The following CADPS2 variants were observed in gnomAD, a reference collection of about 807,000 sequenced individuals.
CADPS2 encodes calcium dependent secretion activator 2, also known as calcium-dependent secretion activator 2.
A neutral mutation model predicts 172.5 loss-of-function variants in CADPS2; 93 were observed. The observed-to-expected ratio is 0.54, with a 90% CI of 0.46 to 0.64. The LOEUF (loss-of-function observed/expected upper bound fraction) is 0.64. CADPS2 is among the 30% of genes least tolerant of loss of function. The pLI is 0.00. For synonymous variants in CADPS2, 546 were observed against 555.2 expected (o/e 0.98, Z 0.23); for missense variants, 1,420 against 1,565.9 (o/e 0.91, Z 1.57).
chr7:122,632,517 T>C (rs938659661), intron 3 of CADPS2, among the ~76,000 whole-genome samples: 1 of 152,202 alleles, frequency 6.6e-6, no homozygotes, highest in African/African-American at 2.4e-5. Flanking sequence ...TTGAGAAGTG[T>C]CTGATCATGT....
intron 2 of CADPS2, among the ~76,000 whole-genome samples, chr7:122,726,389 G>A (rs1237346161): frequency 6.6e-6 from 1 of 151,968 alleles, no homozygotes; most frequent in Non-Finnish European, 1.5e-5. Flanking sequence ...AATGTTCCAT[G>A]CTTTCCAAAA....
At chr7:122,707,340 T>C (rs1445316799) in intron 2 of CADPS2, among the ~76,000 whole-genome samples, 1 of 151,934 alleles carries the variant, frequency 6.6e-6, no homozygotes, top group Non-Finnish European at 1.5e-5. Flanking sequence ...AATTAAATTT[T>C]TTAGAAGGTT....
chr7:122,686,424 C>T (rs762352758), intron 2 of CADPS2, among the ~76,000 whole-genome samples: 15 of 152,168 alleles, frequency 9.9e-5, no homozygotes, highest in Non-Finnish European at 2.9e-5. Flanking sequence ...AGCTGTGATG[C>T]ATCATTGCTG....
Position 122,724,172 on chromosome 7 carries a change from TATA to T in CADPS2, c.453+12780_453+12782del, listed in dbSNP as rs751457550. Among the ~76,000 whole-genome samples, 4 of 151,954 alleles carry T rather than the reference TATA, an allele frequency of 2.6e-5. 1 individual carries two copies. Among genetic ancestry groups the T allele is most frequent in the East Asian group, 3.9e-4 (2 of 5,152 alleles). On this transcript the variant is annotated intron_variant, in intron 2 of 29. Transcript: ENST00000449022. ...TGCACATATACCCTATAACTTAAAG[TATA>T]ATAATAATTGAAAAATTAAAAAATA...
chr7:122,407,426 T>C, intron 20 of CADPS2, 114 bp downstream of exon 20: 2 of 1,137,822 alleles, frequency 1.8e-6, no homozygotes, highest in East Asian at 5.1e-5. Context: ...AACCTAAATG[T>C]TACCCATGCG....
At chr7:122,884,224 T>G (rs924053476) in intron 1 of CADPS2, among the ~76,000 whole-genome samples, 1 of 152,338 alleles carries the variant, frequency 6.6e-6, no homozygotes, top group East Asian at 1.9e-4. Flanking sequence ...AGAGACTGGA[T>G]GATATGAACT....
chr7:122,777,708 C>T (rs2093928277), intron 1 of CADPS2, among the ~76,000 whole-genome samples: 2 of 152,080 alleles, frequency 1.3e-5, no homozygotes, highest in South Asian at 4.1e-4. Flanking sequence ...TCCCTCTGCA[C>T]TTCTCCTTGC....
At chr7:122,710,837 A>G (rs1227511352) in intron 2 of CADPS2, among the ~76,000 whole-genome samples, 1 of 152,052 alleles carries the variant, frequency 6.6e-6, no homozygotes, top group Non-Finnish European at 1.5e-5. Flanking sequence ...GTCTGTCTAT[A>G]CTTTCACTTG....
At chr7:122,408,326 G>A (rs1265075518) in intron 19 of CADPS2, among the ~76,000 whole-genome samples, 1 of 151,926 alleles carries the variant, frequency 6.6e-6, no homozygotes, top group African/African-American at 2.4e-5. Context: ...AATAATTACT[G>A]GATTAATGGG....
chr7:122,690,382 G>C (rs1320912359), intron 2 of CADPS2, among the ~76,000 whole-genome samples: 1 of 152,172 alleles, frequency 6.6e-6, no homozygotes, highest in Non-Finnish European at 1.5e-5. Flanking sequence ...TGTTCCCGGA[G>C]GAGGGTTCCT....
At chr7:122,495,282 A>T (rs1478479943) in intron 9 of CADPS2, among the ~76,000 whole-genome samples, 1 of 152,178 alleles carries the variant, frequency 6.6e-6, no homozygotes, top group Non-Finnish European at 1.5e-5. Context: ...ATGCCTATAC[A>T]TACTCACCCA....
chr7:122,706,965 G>A (rs572709629), intron 2 of CADPS2, among the ~76,000 whole-genome samples: 1 of 151,314 alleles, frequency 6.6e-6, no homozygotes, highest in African/African-American at 2.4e-5. Context: ...ATTATCTTAG[G>A]TTAATCATGA....
intron 8 of CADPS2, among the ~76,000 whole-genome samples, chr7:122,543,892 T>C (rs190715031): frequency 1.3e-5 from 2 of 151,650 alleles, no homozygotes; most frequent in African/African-American, 4.8e-5. Context: ...AACAAAAACA[T>C]GTGAAAAGTA....
chr7:122,391,021 T>C (rs1006068057), intron 22 of CADPS2, among the ~76,000 whole-genome samples: 5 of 152,058 alleles, frequency 3.3e-5, no homozygotes, highest in African/African-American at 4.8e-5. Context: ...CAGGGATGTA[T>C]CTTCAAAACC....
At chr7:122,582,716 A>G (rs2069012145) in intron 6 of CADPS2, among the ~76,000 whole-genome samples, 1 of 152,072 alleles carries the variant, frequency 6.6e-6, no homozygotes, top group East Asian at 1.9e-4. Flanking sequence ...AATTCTCATG[A>G]CATACCCTTT....
intron 7 of CADPS2, among the ~76,000 whole-genome samples, chr7:122,567,738 A>C (rs2066652495): frequency 6.6e-6 from 1 of 152,152 alleles, no homozygotes; most frequent in Non-Finnish European, 1.5e-5. Context: ...ATATACATTA[A>C]ATGTTATAAT....
chr7:122,708,520 GATATATATATATATATATATAT>G (rs57522086), intron 2 of CADPS2, among the ~76,000 whole-genome samples: 1,492 of 116,404 alleles, frequency 0.013, 25 homozygotes, highest in East Asian at 0.027. Context: ...TTGTATTCGA[GATATATATATATATATATATAT>G]ATATATATAT....
At chr7:122,715,284 G>A (rs2089428608) in intron 2 of CADPS2, among the ~76,000 whole-genome samples, 2 of 152,102 alleles carry the variant, frequency 1.3e-5, no homozygotes, top group Admixed American at 1.3e-4. Context: ...TATAAGCACT[G>A]TAATGCCTTT....
intron 2 of CADPS2, among the ~76,000 whole-genome samples, chr7:122,714,005 C>A (rs2089210085): frequency 6.6e-6 from 1 of 152,080 alleles, no homozygotes; most frequent in Non-Finnish European, 1.5e-5. Context: ...CTAATTATTA[C>A]ATTCATAATC....
Sources: gnomAD v4.1 joint callset for allele counts (sites outside exome capture counted in the v4.1 genomes callset) on GRCh38, gnomAD v4.1.1 for gene constraint, MANE v1.5 for transcripts, NCBI Gene and HGNC (gene_info 2026-07-23, HGNC 2026-07-21) for gene names.